The following PTPRK variants were observed in gnomAD, a reference collection of about 807,000 sequenced individuals.
The protein encoded by PTPRK is receptor-type tyrosine-protein phosphatase kappa.
PTPRK carries 75 observed loss-of-function variants against 178.0 expected under a neutral mutation model. The ratio of observed to expected loss-of-function variants is 0.42; its 90% CI spans 0.35 to 0.51. PTPRK has a LOEUF of 0.51. Among genes scored for constraint, PTPRK ranks in the 20% least tolerant of loss-of-function variants. The pLI is 0.02. For missense variants in PTPRK, 1,441 were observed against 1,797.8 expected, an observed-to-expected ratio of 0.80 and a Z score of 3.59; for synonymous variants, 637 against 620.6, an observed-to-expected ratio of 1.03 and a Z score of -0.39.
At chr6:128,053,283 C>G (rs548157138) in intron 13 of PTPRK, among the ~76,000 whole-genome samples, 3 of 152,032 alleles carry the variant, frequency 2.0e-5, no homozygotes, top group South Asian at 4.1e-4. Context: ...TCACCTCCTT[C>G]CCTGTGCGGC....
At chr6:128,017,316 A>G (rs1262299873) in intron 13 of PTPRK, among the ~76,000 whole-genome samples, 1 of 151,940 alleles carries the variant, frequency 6.6e-6, no homozygotes, top group Admixed American at 6.6e-5. Context: ...GTATTTGACA[A>G]TCCCAATACC....
intron 14 of PTPRK, among the ~76,000 whole-genome samples, chr6:128,007,614 T>C (rs765376731): frequency 4.0e-5 from 6 of 150,964 alleles, no homozygotes; most frequent in Non-Finnish European, 6.0e-5. Flanking sequence ...TTTTCATTAT[T>C]GCTAAATCAG....
At chr6:128,313,239 G>C (rs535513336) in intron 3 of PTPRK, among the ~76,000 whole-genome samples, 3 of 152,206 alleles carry the variant, frequency 2.0e-5, no homozygotes, top group African/African-American at 7.2e-5. Context: ...ACTTTTCCCA[G>C]TGACCCCATA....
intron 15 of PTPRK, 142 bp from the exon 16 acceptor site, chr6:127,999,046 T>C (rs889489177): frequency 1.7e-5 from 12 of 697,272 alleles, no homozygotes; most frequent in Non-Finnish European, 2.4e-5. Context: ...TCATACAGTA[T>C]AGGCCTAGAC....
intron 7 of PTPRK, among the ~76,000 whole-genome samples, chr6:128,145,330 A>T (rs549467245): frequency 6.6e-6 from 1 of 152,082 alleles, no homozygotes; most frequent in African/African-American, 2.4e-5. Context: ...GAGCTGATGG[A>T]GAGATTTATG....
chr6:128,105,813 C>A (rs1326393420), intron 7 of PTPRK, among the ~76,000 whole-genome samples: 3 of 152,178 alleles, frequency 2.0e-5, no homozygotes, highest in Non-Finnish European at 4.4e-5. Flanking sequence ...GTTTTTACAG[C>A]CTGCGTCATT....
At chr6:128,060,414 C>T (rs181218447) in intron 13 of PTPRK, among the ~76,000 whole-genome samples, 99 of 152,214 alleles carry the variant, frequency 6.5e-4, no homozygotes, top group Non-Finnish European at 7.2e-4. Context: ...ATTTTAATCT[C>T]TCATTATAAT....
intron 5 of PTPRK, among the ~76,000 whole-genome samples, chr6:128,233,407 T>C (rs1812637683): frequency 6.6e-6 from 1 of 152,242 alleles, no homozygotes; most frequent in South Asian, 2.1e-4. Context: ...GGTAACGCAC[T>C]ATGTGGTCAG....
intron 1 of PTPRK, among the ~76,000 whole-genome samples, chr6:128,405,597 A>G (rs142615151): frequency 6.6e-6 from 1 of 152,302 alleles, no homozygotes; most frequent in African/African-American, 2.4e-5. Context: ...GAAACCACCC[A>G]AGCTCACATT....
chr6:128,244,373 G>A (rs1404828689), intron 3 of PTPRK, among the ~76,000 whole-genome samples: 1 of 152,130 alleles, frequency 6.6e-6, no homozygotes, highest in Non-Finnish European at 1.5e-5. Flanking sequence ...TGGTGAGTAA[G>A]ATGGCATAAG....
intron 13 of PTPRK, among the ~76,000 whole-genome samples, chr6:128,040,784 A>G (rs994542718): frequency 6.6e-6 from 1 of 152,096 alleles, no homozygotes; most frequent in African/African-American, 2.4e-5. Flanking sequence ...ATTTTGTTAA[A>G]CAATGAAGAA....
At chr6:128,520,038 G>A (rs1412698753) in intron 1 of PTPRK, among the ~76,000 whole-genome samples, 1 of 152,154 alleles carries the variant, frequency 6.6e-6, no homozygotes, top group Non-Finnish European at 1.5e-5. Flanking sequence ...GCTAGACCGT[G>A]CCAGCCTGAG....
chr6:128,015,727 T>C (rs1339511085), intron 13 of PTPRK, among the ~76,000 whole-genome samples: 2 of 151,738 alleles, frequency 1.3e-5, no homozygotes, highest in Non-Finnish European at 2.9e-5. Flanking sequence ...CCTTTCACCA[T>C]TTCTCAAATA....
At chr6:128,342,215 T>G (rs981665322) in intron 2 of PTPRK, among the ~76,000 whole-genome samples, 1 of 151,814 alleles carries the variant, frequency 6.6e-6, no homozygotes, top group African/African-American at 2.4e-5. Flanking sequence ...ATCTCACCAC[T>G]GCACTCAAGC....
At chr6:127,981,060 T>C (rs1775287169) in intron 25 of PTPRK, 56 bp downstream of exon 25, 2 of 1,464,670 alleles carry the variant, frequency 1.4e-6, no homozygotes, top group African/African-American at 1.4e-5. Flanking sequence ...CAGTGTTCAG[T>C]TGCATTATGT....
At chr6:128,025,795 C>T (rs909754966) in intron 13 of PTPRK, among the ~76,000 whole-genome samples, 4 of 152,182 alleles carry the variant, frequency 2.6e-5, no homozygotes, top group African/African-American at 4.8e-5. Context: ...TCTGTGGTCA[C>T]ATTGACTTCT....
intron 1 of PTPRK, among the ~76,000 whole-genome samples, chr6:128,453,304 T>C (rs1402141005): frequency 6.6e-6 from 1 of 152,192 alleles, no homozygotes; most frequent in East Asian, 1.9e-4. Flanking sequence ...ACTCACTGCA[T>C]AGGCTCTGGA....
At chr6:128,451,842 A>G (rs1284809491) in intron 1 of PTPRK, among the ~76,000 whole-genome samples, 3 of 152,176 alleles carry the variant, frequency 2.0e-5, no homozygotes, top group Non-Finnish European at 2.9e-5. Context: ...TTGAACCAAA[A>G]AGTTTGGAAA....
At chr6:128,433,594 C>A (rs558898190) in intron 1 of PTPRK, among the ~76,000 whole-genome samples, 1 of 152,028 alleles carries the variant, frequency 6.6e-6, no homozygotes, top group Non-Finnish European at 1.5e-5. Context: ...CAGCTCATTG[C>A]AACCTCTGCC....
Sources: gnomAD v4.1 joint callset for allele counts (sites outside exome capture counted in the v4.1 genomes callset) on GRCh38, gnomAD v4.1.1 for gene constraint, MANE v1.5 for transcripts, NCBI Gene and HGNC (gene_info 2026-07-23, HGNC 2026-07-21) for gene names.